The following IL31RA variants were observed in gnomAD, a reference collection of about 807,000 sequenced individuals.
The protein encoded by IL31RA is interleukin 31 receptor A.
In IL31RA, 66 loss-of-function variants were observed where a neutral mutation model predicts 83.7. The observed-to-expected ratio is 0.79, with a 90% CI of 0.65 to 0.97. IL31RA has a LOEUF of 0.97. IL31RA is among the 50% of genes least tolerant of loss of function. IL31RA has a pLI of 0.00. For missense variants in IL31RA, 798 were observed against 919.4 expected (o/e 0.87, Z 1.71); for synonymous variants, 325 against 329.0 (o/e 0.99, Z 0.13).
intron 7 of IL31RA, among the ~76,000 whole-genome samples, chr5:55,899,419 C>G (rs12515351): frequency 1.3e-5 from 2 of 152,176 alleles, no homozygotes; most frequent in African/African-American, 4.8e-5. Flanking sequence ...TTAGCTAGGA[C>G]GCCTGGCTGG....
the IL31RA span, chr5:55,839,794 C>T: frequency 1.3e-6 from 1 of 769,356 alleles, no homozygotes; most frequent in African/African-American, 1.7e-5. Context: ...AACTGTGTCC[C>T]ATAGTTTCTC....
rs72763892 is a variant in IL31RA at position 55,918,082 on chromosome 5, C to T, written c.*962C>T. 0.052 allele frequency among the ~76,000 whole-genome samples: 7,889 copies of T among 152,312 alleles called. 234 individuals are homozygous for T. The highest frequency in any genetic ancestry group is 0.072 in the Middle Eastern group (21 of 292). On this transcript the variant is annotated 3_prime_UTR_variant, in exon 15 of 15. Transcript: ENST00000652347. ...TCCTTTTCTCTAGCTGAGCACAGAG[C>T]TTGTGACAGTTAGTGGAGCCTTTCA...
At chr5:55,902,571 A>T (rs1748895382) in intron 8 of IL31RA, 1 of 152,086 alleles carries the variant, frequency 6.6e-6, no homozygotes, top group Non-Finnish European at 1.5e-5. Context: ...AAAGAGGTTG[A>T]GGCTGCAGTG....
intron 13 of IL31RA, among the ~76,000 whole-genome samples, chr5:55,914,353 C>T (rs143601146): frequency 6.6e-6 from 1 of 152,330 alleles, no homozygotes; most frequent in East Asian, 1.9e-4. Flanking sequence ...AATCAGGCCT[C>T]ACCCCCAAAG....
intron 3 of IL31RA, among the ~76,000 whole-genome samples, chr5:55,871,475 C>G (rs1028983247): frequency 4.6e-5 from 7 of 152,216 alleles, no homozygotes; most frequent in African/African-American, 1.7e-4. Context: ...AACCACCCAT[C>G]TGATTCCCAC....
At chr5:55,863,916 G>C (rs540168935) in intron 2 of IL31RA, among the ~76,000 whole-genome samples, 1 of 150,328 alleles carries the variant, frequency 6.7e-6, no homozygotes, top group Admixed American at 6.6e-5. Flanking sequence ...ATTTAAGGAA[G>C]AACAGGAAAG....
At chr5:55,847,284 T>A (rs933593922), upstream of IL31RA, among the ~76,000 whole-genome samples, 53 of 125,838 alleles carry the variant, frequency 4.2e-4, no homozygotes, top group African/African-American at 1.5e-3. Context: ...AATAAATAAA[T>A]AAAAAGAAAA....
At position 55,919,398 on chromosome 5, in the gene IL31RA, G is replaced by T. The variant is rs1044504550; in HGVS notation, c.*2278G>T. ...ATGGCTCCTGTGAGTGGATTCCAGA[G>T]ATAAGGATGTTGCCCTCTGGCCCCT... On this transcript the variant is annotated 3_prime_UTR_variant, in exon 15 of 15. Transcript: ENST00000652347. 1.3e-5 allele frequency among the ~76,000 whole-genome samples: 2 copies of T among 152,180 alleles called. No individual in the cohort carries two copies. Among genetic ancestry groups the T allele is most frequent in the African/African-American group, 4.8e-5 (2 of 41,440 alleles).
chr5:55,896,274 T>C (rs534118882), intron 6 of IL31RA, 76 bp from the exon 7 acceptor site: 1 of 982,234 alleles, frequency 1.0e-6, no homozygotes. Context: ...CCTTCCCAAC[T>C]GCCCAGCTAA....
intron 12 of IL31RA, among the ~76,000 whole-genome samples, chr5:55,911,297 G>GC (rs995787111): frequency 6.6e-6 from 1 of 152,062 alleles, no homozygotes; most frequent in Admixed American, 6.6e-5. Flanking sequence ...GGGGGAAATT[G>GC]CCCCCATGAT....
Position 55,917,370 on chromosome 5 carries a change from G to A in IL31RA, c.*250G>A. 1 of 1,332,138 alleles carries A rather than the reference G, an allele frequency of 7.5e-7. No homozygotes were observed. The highest frequency in any genetic ancestry group is 3.1e-5 in the East Asian group (1 of 31,910). 82.5% of individuals were successfully genotyped at this position (1,332,138 alleles called of 1,614,324 possible). The stretch of plus-strand genomic sequence containing the variant: ...CTCTTTTCGTTTGTTCAGATACCAA[G>A]CTCTCACCGAGGCCTCCTGACAGAT... On this transcript the variant is annotated 3_prime_UTR_variant, in exon 15 of 15. Coordinates refer to ENST00000652347, the MANE Select transcript of IL31RA (RefSeq NM_139017.7).
chr5:55,861,668 A>G (rs1458095556), intron 2 of IL31RA, among the ~76,000 whole-genome samples: 1 of 152,174 alleles, frequency 6.6e-6, no homozygotes, highest in Non-Finnish European at 1.5e-5. Flanking sequence ...CTCATCAGCA[A>G]TTGCTCCCAG....
At chr5:55,858,917 TG>T (rs1251540766) in intron 1 of IL31RA, among the ~76,000 whole-genome samples, 3 of 152,246 alleles carry the variant, frequency 2.0e-5, no homozygotes, top group African/African-American at 7.2e-5. Flanking sequence ...GGTAAATTGC[TG>T]ACCACCATTC....
intron 10 of IL31RA, 37 bp from the exon 11 acceptor site, chr5:55,908,228 G>C: frequency 6.2e-7 from 1 of 1,612,992 alleles, no homozygotes. Flanking sequence ...CTGGAGTGCG[G>C]TTCAGTGATT....
chr5:55,860,539 GTGT>G (rs1403811924), intron 2 of IL31RA, among the ~76,000 whole-genome samples: 1 of 152,150 alleles, frequency 6.6e-6, no homozygotes, highest in Admixed American at 6.5e-5. Flanking sequence ...CATAGTTTTT[GTGT>G]TGTTGTTATG....
In IL31RA at chr5:55,870,574, GGTT is replaced by G. The variant is rs549508757; in HGVS notation, c.272+1670_272+1672del. 2.3e-4 allele frequency among the ~76,000 whole-genome samples: 35 copies of G among 152,086 alleles called. 1 individual carries two copies. The South Asian group carries it at 7.1e-3, about 31-fold the overall frequency. On this transcript the variant is annotated intron_variant, in intron 3 of 14. Transcript: ENST00000652347. ...CCCTCTTCCTCCATCTTTCCCTTTG[GGTT>G]GTTATTATTATCACCAGTTGGACAT... is the stretch of plus-strand genomic sequence containing the variant.
chr5:55,917,383 C>A lies in IL31RA; in HGVS notation c.*263C>A. On this transcript the variant is annotated 3_prime_UTR_variant, in exon 15 of 15. Transcript: ENST00000652347. ...TTCAGATACCAAGCTCTCACCGAGG[C>A]CTCCTGACAGATTGACTTTGAAGGA... 7.9e-7 allele frequency: 1 copy of A among 1,262,602 alleles called. No individual in the cohort carries two copies. Among genetic ancestry groups the A allele is most frequent in the South Asian group, 1.6e-5 (1 of 61,150 alleles). The allele number at this position is 1,262,602 out of a possible 1,614,324, so 78.2% of individuals were successfully genotyped here.
chr5:55,877,979 T>A (rs1746965358), intron 4 of IL31RA, among the ~76,000 whole-genome samples: 1 of 152,212 alleles, frequency 6.6e-6, no homozygotes, highest in Non-Finnish European at 1.5e-5. Context: ...GTTGGCTTGA[T>A]CCTGTTCCAC....
intron 8 of IL31RA, among the ~76,000 whole-genome samples, chr5:55,901,277 G>A (rs75551767): frequency 0.018 from 2,695 of 152,272 alleles, 24 homozygotes; most frequent in South Asian, 0.035. Flanking sequence ...TGTCATTGGG[G>A]CACACATTCT....
Sources: gnomAD v4.1 joint callset for allele counts (sites outside exome capture counted in the v4.1 genomes callset) on GRCh38, gnomAD v4.1.1 for gene constraint, MANE v1.5 for transcripts, NCBI Gene and HGNC (gene_info 2026-07-23, HGNC 2026-07-21) for gene names.